Variants in OSBPL10 observed in about 807,000 individuals in gnomAD.
The protein encoded by OSBPL10 is oxysterol-binding protein-related protein 10.
In OSBPL10, 49 loss-of-function variants were observed where a neutral mutation model predicts 81.7. That is an observed-to-expected ratio of 0.60 (90% CI 0.48 to 0.76). The LOEUF is 0.76. Ranked by LOEUF, OSBPL10 falls within the 30% of genes least tolerant of loss-of-function variation. OSBPL10 has a pLI of 0.00. For synonymous variants in OSBPL10, 419 were observed against 383.6 expected (o/e 1.09, Z -1.08); for missense variants, 923 against 987.8 (o/e 0.93, Z 0.88).
chr3:31,996,962 G>A (rs969757291), intron 2 of OSBPL10, among the ~76,000 whole-genome samples: 2 of 152,178 alleles, frequency 1.3e-5, no homozygotes, highest in African/African-American at 2.4e-5. Flanking sequence ...CAATGGGAGA[G>A]AAGCCAGAGG....
intron 3 of OSBPL10, among the ~76,000 whole-genome samples, chr3:31,845,326 G>T (rs1030617843): frequency 6.6e-6 from 1 of 151,900 alleles, no homozygotes; most frequent in Non-Finnish European, 1.5e-5. Flanking sequence ...CGTGTAGGCA[G>T]AACTGTATAC....
At chr3:31,952,537 C>G (rs1236784294) in intron 1 of OSBPL10, among the ~76,000 whole-genome samples, 2 of 152,188 alleles carry the variant, frequency 1.3e-5, no homozygotes, top group Non-Finnish European at 2.9e-5. Flanking sequence ...ACAATAGTCC[C>G]CACTGTACCT....
At chr3:31,940,220 C>A (rs1697496324) in intron 1 of OSBPL10, among the ~76,000 whole-genome samples, 1 of 152,192 alleles carries the variant, frequency 6.6e-6, no homozygotes, top group Non-Finnish European at 1.5e-5. Context: ...TGAACCCATA[C>A]AATGGAACAC....
chr3:31,799,099 G>T (rs1699310538), intron 4 of OSBPL10, among the ~76,000 whole-genome samples: 1 of 152,088 alleles, frequency 6.6e-6, no homozygotes. Flanking sequence ...CCTACCTCAA[G>T]GTATACATAT....
intron 1 of OSBPL10, among the ~76,000 whole-genome samples, chr3:31,965,174 C>G (rs59297058): frequency 0.066 from 10,043 of 151,336 alleles, 937 homozygotes; most frequent in African/African-American, 0.2. Context: ...TTGTGACCAT[C>G]CTGGCTAACA....
intron 3 of OSBPL10, among the ~76,000 whole-genome samples, chr3:31,837,901 A>T (rs1168158392): frequency 6.6e-6 from 1 of 152,198 alleles, no homozygotes; most frequent in Non-Finnish European, 1.5e-5. Context: ...ATGGAAATAC[A>T]CATATCAGGT....
At chr3:31,750,073 T>A (rs1391813660) in intron 4 of OSBPL10, among the ~76,000 whole-genome samples, 2 of 151,840 alleles carry the variant, frequency 1.3e-5, no homozygotes, top group Admixed American at 6.6e-5. Flanking sequence ...TCCCAGCTAC[T>A]CAAGAGGCTG....
chr3:31,922,483 T>C (rs1191034265), intron 1 of OSBPL10, among the ~76,000 whole-genome samples: 1 of 152,096 alleles, frequency 6.6e-6, no homozygotes, highest in Non-Finnish European at 1.5e-5. Context: ...CTGGGTGTGG[T>C]GGAGCGTGCT....
chr3:31,702,497 G>A lies in OSBPL10; in HGVS notation c.1107C>T (p.Gly369=). 2 of 1,614,070 alleles carry A rather than the reference G, an allele frequency of 1.2e-6. No homozygotes were observed. The highest frequency in any genetic ancestry group is 1.7e-5 in the Admixed American group (1 of 60,010). The change falls in exon 7 of 12, where the codon GGC becomes GGT. Residue 369 remains glycine (G), a synonymous_variant. Coordinates refer to ENST00000396556, the MANE Select transcript of OSBPL10 (RefSeq NM_017784.5). ...TSQPEPEPNS[G]SELVLSEDEK... is the part of the protein sequence containing the mutation. ...CATCTTCAGACAAAACCAATTCAGA[G>A]CCTGAGTTTGGCTAAAATGAAATAA...
intron 1 of OSBPL10, among the ~76,000 whole-genome samples, chr3:32,059,084 G>A (rs947005452): frequency 9.2e-5 from 14 of 152,090 alleles, no homozygotes; most frequent in African/African-American, 3.1e-4. Flanking sequence ...GGATCACGAG[G>A]TCAGGAGTTT....
chr3:31,742,700 C>T (rs1697391386), intron 5 of OSBPL10, among the ~76,000 whole-genome samples: 1 of 152,182 alleles, frequency 6.6e-6, no homozygotes, highest in African/African-American at 2.4e-5. Flanking sequence ...TAGACTAAGA[C>T]TTGCAAGCAA....
chr3:31,785,602 G>T (rs568267696), intron 4 of OSBPL10, among the ~76,000 whole-genome samples: 1 of 152,046 alleles, frequency 6.6e-6, no homozygotes, highest in African/African-American at 2.4e-5. Context: ...AACATCGTGG[G>T]TGACTCTGAA....
At chr3:31,820,932 G>A (rs977707052) in intron 4 of OSBPL10, among the ~76,000 whole-genome samples, 2 of 152,158 alleles carry the variant, frequency 1.3e-5, no homozygotes, top group African/African-American at 2.4e-5. Context: ...GCTAGGTGCT[G>A]TGCTAAGGGC....
chr3:31,821,221 G>C (rs1002796246), intron 4 of OSBPL10, among the ~76,000 whole-genome samples: 9 of 151,926 alleles, frequency 5.9e-5, no homozygotes, highest in African/African-American at 2.2e-4. Context: ...TCTCGGTGTT[G>C]GGCTTTTGTT....
At chr3:31,812,714 AAAAAAAAGAAAGAAAGAAAGAAAG>A (rs1699713657) in intron 4 of OSBPL10, among the ~76,000 whole-genome samples, 2 of 44,840 alleles carry the variant, frequency 4.5e-5, no homozygotes, top group Middle Eastern at 0.015. Context: ...ACAGTAGGCA[AAAAAAAAGAAAGAAAGAAAGAAAG>A]AAAGAAAGAA....
intron 1 of OSBPL10, among the ~76,000 whole-genome samples, chr3:31,975,992 T>C (rs1019290759): frequency 1.3e-5 from 2 of 151,846 alleles, no homozygotes; most frequent in Non-Finnish European, 2.9e-5. Flanking sequence ...TGGAGAGAAA[T>C]AAAATAGGAA....
chr3:31,860,256 C>G (rs1481723545), intron 3 of OSBPL10, among the ~76,000 whole-genome samples: 1 of 152,188 alleles, frequency 6.6e-6, no homozygotes, highest in Non-Finnish European at 1.5e-5. Context: ...AGTCACCAGA[C>G]CTATGATGGG....
At position 32,005,822 on chromosome 3, in the gene OSBPL10, G is replaced by A. The variant is rs112331887; in HGVS notation, n.298+40669C>T. Among the ~76,000 whole-genome samples the A allele has an allele frequency of 3.6e-3, 542 of 152,174 alleles. 2 individuals carry two copies. The highest frequency in any genetic ancestry group is 0.013 in the African/African-American group (521 of 41,520). The stretch of plus-strand genomic sequence containing the variant: ...CGCATGGTCTCAGTCTCCTGACCTC[G>A]TGATCCGCCCACCTCAGGACTCCCA... On this transcript the variant is annotated intron_variant and non_coding_transcript_variant, in intron 2 of 3. Coordinates refer to the OSBPL10 transcript ENST00000479173.
intron 7 of OSBPL10, among the ~76,000 whole-genome samples, chr3:31,686,558 T>C (rs1319635730): frequency 6.6e-6 from 1 of 152,224 alleles, no homozygotes; most frequent in Non-Finnish European, 1.5e-5. Context: ...TGAGTGATTT[T>C]AACACTTTTT....
Sources: gnomAD v4.1 joint callset for allele counts (sites outside exome capture counted in the v4.1 genomes callset) on GRCh38, gnomAD v4.1.1 for gene constraint, MANE v1.5 for transcripts, NCBI Gene and HGNC (gene_info 2026-07-23, HGNC 2026-07-21) for gene names.